The following PLXND1 variants were observed in gnomAD, a reference collection of about 807,000 sequenced individuals.
PLXND1 encodes plexin D1, also known as plexin-D1.
Under a neutral mutation model 197.7 loss-of-function variants are expected in PLXND1, and 54 were observed. The observed-to-expected ratio is 0.27, with a 90% CI of 0.22 to 0.34. The LOEUF (loss-of-function observed/expected upper bound fraction) is 0.34, where lower values mean the gene tolerates loss of function less well. PLXND1 is among the 10% of genes least tolerant of loss of function. PLXND1 has a pLI of 1.00. For missense variants in PLXND1, 2,127 were observed against 2,699.2 expected (o/e 0.79, Z 4.70); for synonymous variants, 1,180 against 1,161.2 (o/e 1.02, Z -0.33).
chr3:129,570,694 G>T (rs1362038266), intron 19 of PLXND1, 92 bp downstream of exon 19: 1 of 1,290,128 alleles, frequency 7.8e-7, no homozygotes, highest in Non-Finnish European at 1.1e-6. Context: ...AAAACGCTCA[G>T]TGAATTCAGG....
rs771262334 is a variant in PLXND1 at position 129,559,598 on chromosome 3, A to C, written c.5297+22T>G. On this transcript the variant is annotated intron_variant, in intron 32 of 35. Coordinates refer to ENST00000324093, the MANE Select transcript of PLXND1 (RefSeq NM_015103.3). ...GGGCCCCAGTGGCACAGTGAAGTCC[A>C]CACGGCCCCCCCACCCGCCACCTGT... 23 of 1,564,162 alleles carry C rather than the reference A, an allele frequency of 1.5e-5. No individual in the cohort carries two copies. In the Middle Eastern group the frequency reaches 1.0e-3, roughly 70 times the overall value.
intron 26 of PLXND1, 69 bp downstream of exon 26, chr3:129,563,025 G>T: frequency 6.2e-7 from 1 of 1,610,544 alleles, no homozygotes; most frequent in Non-Finnish European, 8.5e-7. Context: ...GCCCTGCAGA[G>T]GAAGGCTGGG....
chr3:129,603,470 T>C (rs2085739749), intron 1 of PLXND1, among the ~76,000 whole-genome samples: 1 of 152,036 alleles, frequency 6.6e-6, no homozygotes, highest in South Asian at 2.1e-4. Flanking sequence ...AGGCCCTCAG[T>C]CCACAGGACA....
At chr3:129,564,922 G>A (rs2625971) in intron 25 of PLXND1, among the ~76,000 whole-genome samples, 55,741 of 152,170 alleles carry the variant, frequency 0.37, 11,430 homozygotes, top group African/African-American at 0.56. Flanking sequence ...GGGAGGCCTC[G>A]TGAGCTGAGC....
Position 129,555,997 on chromosome 3 carries a change from C to T in PLXND1, c.*315G>A, listed in dbSNP as rs2084967297. 3 of 331,410 alleles carry T rather than the reference C, an allele frequency of 9.1e-6. No individual in the cohort carries two copies. The highest frequency in any genetic ancestry group is 1.7e-5 in the Non-Finnish European group (3 of 179,932). The allele number at this position is 331,410 out of a possible 1,614,324, so 20.5% of individuals were successfully genotyped here. A position where few individuals can be genotyped will look rare whatever the true frequency, so the allele number is the denominator to read the frequency against. Reference sequence around the variant, plus strand: ...CCTGGATGCACGGGGCTCTTGGCAGCAGGACCAACTGGACGTTGTGGAGCA... The same window carrying T: ...CCTGGATGCACGGGGCTCTTGGCAGTAGGACCAACTGGACGTTGTGGAGCA... On this transcript the variant is annotated 3_prime_UTR_variant, in exon 36 of 36. Coordinates refer to ENST00000324093, the MANE Select transcript of PLXND1 (RefSeq NM_015103.3).
chr3:129,561,762 TGAGGG>T, intron 28 of PLXND1, 33 bp downstream of exon 28: 1 of 995,316 alleles, frequency 1.0e-6, no homozygotes, highest in Non-Finnish European at 1.3e-6. Flanking sequence ...GGTGGGGGCA[TGAGGG>T]TGGGGAAATG....
chr3:129,606,262 C>A lies in PLXND1; in HGVS notation c.378G>T (p.Lys126Asn), dbSNP rs1346506750. The A allele has an allele frequency of 6.4e-7, 1 of 1,564,904 alleles. No individual in the cohort carries two copies. The highest frequency in any genetic ancestry group is 1.2e-5 in the South Asian group (1 of 85,252). ...HPRRLTDNYNKILQLDPGQGL... is the reference protein window; with the variant it reads ...HPRRLTDNYNNILQLDPGQGL... ...CCTGGCCGGGGTCCAGCTGCAGGAT[C>A]TTGTTGTAGTTGTCCGTGAGGCGCC... The change falls in exon 1 of 36, where the codon AAG becomes AAT. Residue 126 changes from lysine (K) to asparagine (N), a missense_variant. Around this residue, in one of 6 missense-constraint regions of PLXND1, gnomAD observed 245 missense variants for 267.1 expected, o/e 0.92. Coordinates refer to ENST00000324093, the MANE Select transcript of PLXND1 (RefSeq NM_015103.3).
At chr3:129,561,128 G>A (rs1429876087) in intron 29 of PLXND1, 23 of 469,828 alleles carry the variant, frequency 4.9e-5, no homozygotes, top group South Asian at 3.2e-4. Context: ...CCAGGCAGGC[G>A]GGGGTGGGTG....
intron 13 of PLXND1, 46 bp from the exon 14 acceptor site, chr3:129,572,987 G>A: frequency 7.1e-7 from 1 of 1,401,520 alleles, no homozygotes; most frequent in South Asian, 1.2e-5. Context: ...GGCCCCCACG[G>A]CCACCCTAGA....
intron 1 of PLXND1, 54 bp downstream of exon 1, chr3:129,605,275 G>T (rs904257238): frequency 1.3e-5 from 3 of 237,730 alleles, no homozygotes; most frequent in African/African-American, 1.0e-4. Context: ...GCCCGCCCCC[G>T]CCCCCGCCCC....
At chr3:129,603,626 C>T (rs1372719092) in intron 1 of PLXND1, among the ~76,000 whole-genome samples, 1 of 152,180 alleles carries the variant, frequency 6.6e-6, no homozygotes, top group African/African-American at 2.4e-5. Flanking sequence ...GTCTGCCCTG[C>T]TCACCCACCG....
chr3:129,570,675 T>C, intron 19 of PLXND1, 111 bp downstream of exon 19: 3 of 1,055,412 alleles, frequency 2.8e-6, no homozygotes, highest in South Asian at 1.4e-5. Context: ...GACTGAGCTG[T>C]TGAGCGTGAA....
chr3:129,584,192 T>A lies in PLXND1; in HGVS notation c.2071A>T (p.Asn691Tyr). 6.3e-7 allele frequency: 1 copy of A among 1,587,836 alleles called. No individual in the cohort carries two copies. ...VEMSVRVNGR[N>Y]IVKANFTIYD... is the part of the protein sequence containing the mutation. ...ATGGTGAAATTGGCCTTGACGATGT[T>A]CCGCCCATTGACCCTCACAGACATC... Residue 691 changes from asparagine to tyrosine, a missense_variant, in exon 7 of 36, where the codon AAC becomes TAC. Around this residue, in one of 6 missense-constraint regions of PLXND1, gnomAD observed 1,095 missense variants for 1,259.8 expected, o/e 0.87. Coordinates refer to ENST00000324093, the MANE Select transcript of PLXND1 (RefSeq NM_015103.3).
rs540794094 is a variant in PLXND1, at chr3:129,576,592, A to T, written c.2347-737T>A. 1.4e-4 allele frequency among the ~76,000 whole-genome samples: 21 copies of T among 152,180 alleles called. No individual in the cohort carries two copies. In the East Asian group the frequency reaches 3.9e-3, roughly 28 times the overall value. ...GGACGGTCAGGGCTCGGCCGCTCTG[A>T]CACCACCCCCAAGGGCAGCAGAAAG... On this transcript the variant is annotated intron_variant, in intron 9 of 35. Coordinates refer to ENST00000324093, the MANE Select transcript of PLXND1 (RefSeq NM_015103.3).
intron 24 of PLXND1, 50 bp downstream of exon 24, chr3:129,565,837 C>T (rs1232901145): frequency 3.1e-6 from 5 of 1,599,452 alleles, no homozygotes; most frequent in Non-Finnish European, 4.3e-6. Flanking sequence ...GCTGTGTGGC[C>T]TTGGACAGGC....
chr3:129,565,134 G>A (rs2085119259), intron 25 of PLXND1, among the ~76,000 whole-genome samples: 2 of 152,242 alleles, frequency 1.3e-5, no homozygotes, highest in South Asian at 4.1e-4. Context: ...TTGAGCCCTT[G>A]CAGCAAGCCA....
intron 9 of PLXND1, among the ~76,000 whole-genome samples, 177 bp from the exon 10 acceptor site, chr3:129,576,032 A>G (rs1044004618): frequency 6.6e-6 from 1 of 152,192 alleles, no homozygotes; most frequent in Admixed American, 6.5e-5. Flanking sequence ...CATCACGTCC[A>G]ATGTTTGAGG....
At chr3:129,580,954 C>G (rs2085379286) in intron 8 of PLXND1, among the ~76,000 whole-genome samples, 1 of 152,244 alleles carries the variant, frequency 6.6e-6, no homozygotes, top group South Asian at 2.1e-4. Context: ...TACCTCATCC[C>G]TCAGGCACCT....
At position 129,560,838 on chromosome 3, in the gene PLXND1, CAG is replaced by C. The variant is rs1275983606; in HGVS notation, c.4994-117_4994-116del. The C allele has an allele frequency of 9.4e-6, 7 of 741,074 alleles. No homozygotes were observed. In the African/African-American group the frequency reaches 1.2e-4, roughly 13 times the overall value. 45.9% of individuals were successfully genotyped at this position (741,074 alleles called of 1,614,324 possible). A position where few individuals can be genotyped will look rare whatever the true frequency, so the allele number is the denominator to read the frequency against. Reference sequence around the variant, plus strand: ...CAAGACAGAAAGATGGGGAGAGAAACAGAAGCAGAGACAGAAAGATGGAGAGA... The same window carrying C: ...CAAGACAGAAAGATGGGGAGAGAAACAAGCAGAGACAGAAAGATGGAGAGA... On this transcript the variant is annotated intron_variant, in intron 29 of 35. Transcript: ENST00000324093.
Sources: gnomAD v4.1 joint callset for allele counts (sites outside exome capture counted in the v4.1 genomes callset) on GRCh38, gnomAD v4.1.1 for gene constraint, gnomAD v4.1.1 regional missense constraint, MANE v1.5 for transcripts, NCBI Gene and HGNC (gene_info 2026-07-23, HGNC 2026-07-21) for gene names.